The following SH3PXD2A variants were observed in gnomAD, a reference collection of about 807,000 sequenced individuals.
The protein encoded by SH3PXD2A is SH3 and PX domains 2A, also known as SH3 and PX domain-containing protein 2A.
In SH3PXD2A, 32 loss-of-function variants were observed where a neutral mutation model predicts 115.2. That is an observed-to-expected ratio of 0.28 (90% confidence interval 0.21 to 0.37). SH3PXD2A has a LOEUF of 0.37. Among genes scored for constraint, SH3PXD2A ranks in the 10% least tolerant of loss-of-function variants. SH3PXD2A has a pLI of 1.00. For synonymous variants in SH3PXD2A, 610 were observed against 629.1 expected, an observed-to-expected ratio of 0.97 and a Z score of 0.45; for missense variants, 1,328 against 1,498.7, an observed-to-expected ratio of 0.89 and a Z score of 1.88.
intron 8 of SH3PXD2A, among the ~76,000 whole-genome samples, chr10:103,633,689 C>T (rs1020779864): frequency 8.1e-6 from 1 of 123,954 alleles, no homozygotes; most frequent in African/African-American, 3.1e-5. Context: ...GATCATGCCA[C>T]AGCACTCCAG....
intron 3 of SH3PXD2A, among the ~76,000 whole-genome samples, chr10:103,737,735 C>G (rs535918269): frequency 6.6e-6 from 1 of 152,292 alleles, no homozygotes; most frequent in African/African-American, 2.4e-5. Flanking sequence ...CTAGACAAAG[C>G]CCTGAGGTAG....
intron 8 of SH3PXD2A, among the ~76,000 whole-genome samples, chr10:103,647,583 T>C (rs199636236): frequency 6.6e-6 from 1 of 152,294 alleles, no homozygotes; most frequent in East Asian, 1.9e-4. Context: ...GGAGCCTCAC[T>C]TGGTGCTTGC....
intron 8 of SH3PXD2A, among the ~76,000 whole-genome samples, chr10:103,648,616 T>C (rs7075623): frequency 0.88 from 133,852 of 152,260 alleles, 58,937 homozygotes; most frequent in East Asian, 1. Flanking sequence ...CAGGGCAACT[T>C]TTCAAAACAT....
intron 3 of SH3PXD2A, among the ~76,000 whole-genome samples, chr10:103,737,804 C>G (rs2038397091): frequency 6.6e-6 from 1 of 152,176 alleles, no homozygotes; most frequent in Non-Finnish European, 1.5e-5. Flanking sequence ...AGACAGGGGA[C>G]CCAGGGGCCA....
intron 2 of SH3PXD2A, among the ~76,000 whole-genome samples, chr10:103,779,288 G>A (rs1157817440): frequency 2.6e-5 from 4 of 152,164 alleles, no homozygotes; most frequent in African/African-American, 7.2e-5. Flanking sequence ...GGCTGGTCTC[G>A]AAATCCTGAC....
intron 3 of SH3PXD2A, among the ~76,000 whole-genome samples, chr10:103,751,029 C>T (rs1038401421): frequency 2.0e-5 from 3 of 152,166 alleles, no homozygotes; most frequent in African/African-American, 7.2e-5. Flanking sequence ...TGTCTCAGCT[C>T]CAGGCATTTC....
At position 103,784,283 on chromosome 10, in the gene SH3PXD2A, G is replaced by C. The variant is rs1168650738; in HGVS notation, c.153+16999C>G. Among the ~76,000 whole-genome samples the C allele has an allele frequency of 1.3e-5, 2 of 152,212 alleles. No individual in the cohort carries two copies. Among genetic ancestry groups the C allele is most frequent in the Non-Finnish European group, 2.9e-5 (2 of 68,036 alleles). ...AGAAGCAGGGGTCGCCCAAGCCTCT[G>C]TGCATGCCCAAGGCGGTCCTGTCCC... On this transcript the variant is annotated intron_variant, in intron 2 of 14. Transcript: ENST00000369774. This position sits in a 1 kb window ranked among gnomAD's most constrained non-coding sequence, Gnocchi z 4.4.
chr10:103,840,502 C>T (rs911314009), intron 1 of SH3PXD2A, among the ~76,000 whole-genome samples: 1 of 152,224 alleles, frequency 6.6e-6, no homozygotes, highest in African/African-American at 2.4e-5. Flanking sequence ...CTCACCCTGA[C>T]ACTTGTTAAC....
intron 8 of SH3PXD2A, among the ~76,000 whole-genome samples, chr10:103,633,571 C>T (rs1456556498): frequency 6.9e-6 from 1 of 144,814 alleles, no homozygotes; most frequent in Non-Finnish European, 1.5e-5. Context: ...ACTAAAAATA[C>T]AAAAAAATTA....
rs764554398 is a variant in SH3PXD2A at position 103,602,670 on chromosome 10, C to T, written c.2548G>A (p.Ala850Thr). 3.3e-5 allele frequency: 54 copies of T among 1,614,056 alleles called. No individual in the cohort carries two copies. The highest frequency in any genetic ancestry group is 1.6e-4 in the Middle Eastern group (1 of 6,084). ...TCCGAGTCCTGGACCTTCTGGTAGG[C>T]GCTGCATGTCATGTACGAGGTGGCT... Reference protein sequence around the residue: ...GPATSYMTCSAYQKVQDSEIS... With the variant: ...GPATSYMTCSTYQKVQDSEIS... The change falls in exon 15 of 15, where the codon GCC (alanine) becomes ACC (threonine). Residue 850 changes from alanine (A) to threonine (T), a missense_variant. Around this residue, in one of 5 missense-constraint regions of SH3PXD2A, gnomAD observed 574 missense variants for 565.7 expected, o/e 1.01. Coordinates refer to ENST00000369774, the MANE Select transcript of SH3PXD2A (RefSeq NM_001394015.1).
intron 3 of SH3PXD2A, among the ~76,000 whole-genome samples, chr10:103,762,946 A>G (rs2038716294): frequency 6.6e-6 from 1 of 150,432 alleles, no homozygotes; most frequent in African/African-American, 2.5e-5. Context: ...CTGTCCCCCA[A>G]GAGCCAATGA....
rs1365042489 is a variant in SH3PXD2A at position 103,844,726 on chromosome 10, G to A, written c.72+10469C>T. On this transcript the variant is annotated intron_variant, in intron 1 of 14. Coordinates refer to ENST00000369774, the MANE Select transcript of SH3PXD2A (RefSeq NM_001394015.1). ...TTGTGCTTTCTTAACAATGCTACCT[G>A]CACTCTCCAAACCTCAGGTTCCATA... Among the ~76,000 whole-genome samples the A allele has an allele frequency of 2.0e-5, 3 of 152,152 alleles. No homozygotes were observed. In the East Asian group the frequency reaches 5.8e-4, roughly 29 times the overall value.
chr10:103,608,134 C>G (rs1346613278), intron 13 of SH3PXD2A, among the ~76,000 whole-genome samples: 3 of 8,916 alleles, frequency 3.4e-4, no homozygotes, highest in African/African-American at 1.6e-3. Flanking sequence ...CGAGAAACAC[C>G]CAAGAATGAT....
intron 3 of SH3PXD2A, among the ~76,000 whole-genome samples, chr10:103,766,138 C>T (rs986354893): frequency 6.6e-6 from 1 of 152,224 alleles, no homozygotes. Flanking sequence ...CCCCTACATC[C>T]GTTTTCAAGT....
chr10:103,661,864 C>T (rs568494013), intron 7 of SH3PXD2A: 9 of 985,138 alleles, frequency 9.1e-6, no homozygotes, highest in Non-Finnish European at 1.1e-5. Context: ...ACTTGAAACC[C>T]AAGAAGAAAG....
intron 4 of SH3PXD2A, among the ~76,000 whole-genome samples, chr10:103,735,238 T>C (rs2038366555): frequency 1.3e-5 from 2 of 152,228 alleles, no homozygotes; most frequent in African/African-American, 4.8e-5. Context: ...TGTGTTTGTG[T>C]GAACACCTGC....
chr10:103,743,480 T>C (rs1050324477), intron 3 of SH3PXD2A, among the ~76,000 whole-genome samples: 5 of 151,990 alleles, frequency 3.3e-5, no homozygotes, highest in Non-Finnish European at 7.4e-5. Flanking sequence ...AGCCTTGAAC[T>C]CCTGGGCTTA....
At chr10:103,706,627 C>T (rs1366914637) in intron 5 of SH3PXD2A, among the ~76,000 whole-genome samples, 1 of 152,194 alleles carries the variant, frequency 6.6e-6, no homozygotes. Flanking sequence ...TGGTTATAAT[C>T]GTGTTTCCTG....
chr10:103,682,377 CT>C (rs768160767), intron 6 of SH3PXD2A, among the ~76,000 whole-genome samples: 5 of 152,248 alleles, frequency 3.3e-5, no homozygotes. Context: ...AATCAGGCTC[CT>C]TTCATTTCCA....
Sources: gnomAD v4.1 joint callset for allele counts (sites outside exome capture counted in the v4.1 genomes callset) on GRCh38, gnomAD v4.1.1 for gene constraint, gnomAD v4.1.1 regional missense constraint, Gnocchi (gnomAD v3.1) non-coding constraint, MANE v1.5 for transcripts, NCBI Gene and HGNC (gene_info 2026-07-23, HGNC 2026-07-21) for gene names.